The following ILRUN variants were observed in gnomAD, a reference collection of about 807,000 sequenced individuals.
The protein encoded by ILRUN is inflammation and lipid regulator with UBA-like and NBR1-like domains, also known as protein ILRUN.
Under a neutral mutation model 33.8 loss-of-function variants are expected in ILRUN, and 3 were observed. That is an observed-to-expected ratio of 0.09 (90% CI 0.04 to 0.23). The LOEUF is 0.23. Ranked by LOEUF, ILRUN falls within the 10% of genes least tolerant of loss-of-function variation. The pLI is 1.00. For missense variants in ILRUN, 210 were observed against 375.1 expected, an observed-to-expected ratio of 0.56 and a Z score of 3.64; for synonymous variants, 124 against 138.9, an observed-to-expected ratio of 0.89 and a Z score of 0.75.
chr6:34,664,310 G>C (rs923688592), intron 1 of ILRUN, among the ~76,000 whole-genome samples: 4 of 152,234 alleles, frequency 2.6e-5, no homozygotes, highest in Non-Finnish European at 4.4e-5. Flanking sequence ...TATGAAAGCA[G>C]AATAAAGACT....
At chr6:34,670,376 T>C (rs749643503) in intron 1 of ILRUN, among the ~76,000 whole-genome samples, 16 of 152,158 alleles carry the variant, frequency 1.1e-4, no homozygotes, top group Non-Finnish European at 1.9e-4. Flanking sequence ...TTACTAAAAA[T>C]CACTGAATTA....
At chr6:34,628,035 T>C (rs1168548283) in intron 3 of ILRUN, among the ~76,000 whole-genome samples, 1 of 151,450 alleles carries the variant, frequency 6.6e-6, no homozygotes, top group African/African-American at 2.4e-5. Context: ...TGAGATGGAG[T>C]CTCACTCCAA....
intron 3 of ILRUN, among the ~76,000 whole-genome samples, chr6:34,622,328 G>A (rs1006277624): frequency 2.0e-5 from 3 of 152,122 alleles, no homozygotes; most frequent in African/African-American, 7.2e-5. Flanking sequence ...TATGTCATAA[G>A]GGGTTAATAT....
chr6:34,657,565 G>A (rs959690513), intron 1 of ILRUN, among the ~76,000 whole-genome samples: 5 of 152,172 alleles, frequency 3.3e-5, no homozygotes, highest in East Asian at 1.9e-4. Context: ...TGAAAGCAGC[G>A]AACTGGAATC....
chr6:34,663,301 T>C (rs1402150432), intron 1 of ILRUN, among the ~76,000 whole-genome samples: 8 of 152,070 alleles, frequency 5.3e-5, no homozygotes, highest in African/African-American at 1.9e-4. Context: ...CGCGTGCCTA[T>C]AGTCCCAGCT....
At chr6:34,606,994 C>G in intron 3 of ILRUN, 90 bp from the exon 4 acceptor site, 1 of 957,120 alleles carries the variant, frequency 1.0e-6, no homozygotes, top group Non-Finnish European at 1.6e-6. Flanking sequence ...ATTATCCAAA[C>G]CACAGAATGA....
At chr6:34,600,996 G>C (rs975337179) in intron 4 of ILRUN, among the ~76,000 whole-genome samples, 1 of 152,136 alleles carries the variant, frequency 6.6e-6, no homozygotes, top group Non-Finnish European at 1.5e-5. Flanking sequence ...ACCAGTCTCA[G>C]TAACTGTAAA....
chr6:34,650,798 G>C (rs570392553), intron 2 of ILRUN, among the ~76,000 whole-genome samples: 1 of 152,222 alleles, frequency 6.6e-6, no homozygotes, highest in East Asian at 1.9e-4. Flanking sequence ...CCTTCTTCGG[G>C]AAAGCTATTG....
chr6:34,616,091 A>G (rs1239729058), intron 3 of ILRUN, among the ~76,000 whole-genome samples: 1 of 152,188 alleles, frequency 6.6e-6, no homozygotes, highest in African/African-American at 2.4e-5. Context: ...TCTAACGTAC[A>G]TGGACACCTC....
chr6:34,664,039 C>G (rs1056801930), intron 1 of ILRUN, among the ~76,000 whole-genome samples: 1 of 152,168 alleles, frequency 6.6e-6, no homozygotes, highest in African/African-American at 2.4e-5. Context: ...TAAGGAATGC[C>G]TGTAGCCTCT....
intron 1 of ILRUN, among the ~76,000 whole-genome samples, chr6:34,655,267 G>C (rs962196660): frequency 6.6e-6 from 1 of 152,144 alleles, no homozygotes. Context: ...ATGAGCCACT[G>C]AGCCCAGCCA....
At chr6:34,671,085 T>C (rs1260782606) in intron 1 of ILRUN, among the ~76,000 whole-genome samples, 2 of 152,118 alleles carry the variant, frequency 1.3e-5, no homozygotes, top group Non-Finnish European at 2.9e-5. Flanking sequence ...ATACAAGTAA[T>C]GCATATTCAA....
At chr6:34,690,460 C>CA (rs935313700) in intron 1 of ILRUN, among the ~76,000 whole-genome samples, 37 of 143,434 alleles carry the variant, frequency 2.6e-4, no homozygotes, top group East Asian at 4.0e-4. Flanking sequence ...AACTATGTCT[C>CA]AAAAAAAAAT....
intron 1 of ILRUN, among the ~76,000 whole-genome samples, chr6:34,665,492 C>A (rs887221578): frequency 4.6e-5 from 7 of 152,110 alleles, no homozygotes; most frequent in African/African-American, 1.7e-4. Flanking sequence ...CATTATGTTG[C>A]CCACACAGGT....
At chr6:34,696,360 C>A in intron 1 of ILRUN, 86 bp downstream of exon 1, 1 of 1,407,656 alleles carries the variant, frequency 7.1e-7, no homozygotes, top group Non-Finnish European at 9.5e-7. Context: ...GCCTGGCTCG[C>A]CCTGCCGCCA....
intron 3 of ILRUN, among the ~76,000 whole-genome samples, chr6:34,632,961 T>G (rs567342294): frequency 6.6e-6 from 1 of 152,292 alleles, no homozygotes; most frequent in Non-Finnish European, 1.5e-5. Flanking sequence ...AATAATTATA[T>G]TAAATGTGAA....
chr6:34,685,535 A>C (rs1311455727), intron 1 of ILRUN: 1 of 151,892 alleles, frequency 6.6e-6, no homozygotes, highest in Non-Finnish European at 1.5e-5. Context: ...TAGTACAGAC[A>C]CCCAAATGGC....
chr6:34,659,780 C>T (rs1762850438), intron 1 of ILRUN, among the ~76,000 whole-genome samples: 1 of 151,832 alleles, frequency 6.6e-6, no homozygotes, highest in Non-Finnish European at 1.5e-5. Flanking sequence ...TGCCACCACG[C>T]TCGGCTAATT....
Position 34,644,272 on chromosome 6 carries a change from C to A in ILRUN, c.511+2329G>T, listed in dbSNP as rs375444100. On this transcript the variant is annotated intron_variant, in intron 3 of 4. Coordinates refer to ENST00000374023, the MANE Select transcript of ILRUN (RefSeq NM_024294.4). ...GTCATGTATATTGTCTTCTTCTCCC[C>A]TTAAAAATGGTAGCATGTATTTTAA... 6.6e-5 allele frequency among the ~76,000 whole-genome samples: 10 copies of A among 152,188 alleles called. No homozygotes were observed. In the East Asian group the frequency reaches 9.6e-4, roughly 15 times the overall value.
Sources: gnomAD v4.1 joint callset for allele counts (sites outside exome capture counted in the v4.1 genomes callset) on GRCh38, gnomAD v4.1.1 for gene constraint, MANE v1.5 for transcripts, NCBI Gene and HGNC (gene_info 2026-07-23, HGNC 2026-07-21) for gene names.